The following SLC24A2 variants were observed in gnomAD, a reference collection of about 807,000 sequenced individuals.
SLC24A2 encodes sodium/potassium/calcium exchanger 2.
In SLC24A2, 36 loss-of-function variants were observed where a neutral mutation model predicts 62.0. The observed-to-expected ratio is 0.58, with a 90% CI of 0.44 to 0.77. The LOEUF (loss-of-function observed/expected upper bound fraction) is 0.77. Among genes scored for constraint, SLC24A2 ranks in the 30% least tolerant of loss-of-function variants. SLC24A2 has a pLI of 0.00. For missense variants in SLC24A2, 846 were observed against 817.9 expected (o/e 1.03, Z -0.42); for synonymous variants, 358 against 294.0 (o/e 1.22, Z -2.23).
chr9:19,898,506 G>A, the SLC24A2 span, among the ~76,000 whole-genome samples: 1 of 152,158 alleles, frequency 6.6e-6, no homozygotes, highest in Non-Finnish European at 1.5e-5. Context: ...ACTTTGGGAG[G>A]CCAAGGCGGG....
intron 8 of SLC24A2, among the ~76,000 whole-genome samples, chr9:19,539,247 C>A (rs1417915365): frequency 3.2e-5 from 2 of 63,372 alleles, no homozygotes; most frequent in Non-Finnish European, 5.9e-5. Context: ...CTTCTGCTAG[C>A]TTTTGAATGT....
At chr9:20,112,274 G>T in the SLC24A2 span, among the ~76,000 whole-genome samples, 2 of 152,112 alleles carry the variant, frequency 1.3e-5, no homozygotes, top group African/African-American at 4.8e-5. Context: ...GATAATTTTC[G>T]ACACTTGTCT....
At chr9:19,865,547 A>G in the SLC24A2 span, among the ~76,000 whole-genome samples, 1 of 152,198 alleles carries the variant, frequency 6.6e-6, no homozygotes, top group East Asian at 1.9e-4. Context: ...ACAAATCTAC[A>G]TACCTACAGT....
rs538243994 is a variant in SLC24A2, at chr9:19,740,171, G to C, written c.930+45766C>G. ...AACCACTTTGAAAAATTCTTAGGCA[G>C]TATTTAATAAAGTTGAATATATACG... On this transcript the variant is annotated intron_variant, in intron 2 of 10. Transcript: ENST00000341998. Among the ~76,000 whole-genome samples, 4 of 143,188 alleles carry C rather than the reference G, an allele frequency of 2.8e-5. No individual in the cohort carries two copies. In the East Asian group the frequency reaches 8.3e-4, roughly 30 times the overall value. The allele number at this position is 143,188 out of a possible 152,430, so 93.9% of individuals were successfully genotyped here. A position where few individuals can be genotyped will look rare whatever the true frequency, so the allele number is the denominator to read the frequency against.
the SLC24A2 span, among the ~76,000 whole-genome samples, chr9:20,257,540 G>A: frequency 3.9e-5 from 6 of 152,278 alleles, no homozygotes; most frequent in Non-Finnish European, 7.3e-5. Context: ...AACTAGTGGC[G>A]TGTCATTGGG....
At chr9:20,130,020 C>T in the SLC24A2 span, among the ~76,000 whole-genome samples, 2 of 151,414 alleles carry the variant, frequency 1.3e-5, no homozygotes, top group African/African-American at 4.9e-5. Context: ...TTCTTCTGAT[C>T]TGAAGCTGCT....
At chr9:19,525,391 C>CTTTTTTTTTTTTTT (rs572919824) in intron 9 of SLC24A2, among the ~76,000 whole-genome samples, 1 of 76,374 alleles carries the variant, frequency 1.3e-5, no homozygotes, top group African/African-American at 5.7e-5. Context: ...TATTTCTTTA[C>CTTTTTTTTTTTTTT]TTTTTTTTTT....
the SLC24A2 span, among the ~76,000 whole-genome samples, chr9:20,295,970 T>C: frequency 3.9e-5 from 6 of 152,224 alleles, no homozygotes; most frequent in East Asian, 1.2e-3. Context: ...AAATTTTGTA[T>C]TGGGGAAATC....
intron 2 of SLC24A2, among the ~76,000 whole-genome samples, chr9:19,652,939 GTTTCAACCT>G (rs1818842640): frequency 6.3e-5 from 1 of 15,900 alleles, no homozygotes; most frequent in Admixed American, 7.6e-4. Flanking sequence ...CTTCCATCCT[GTTTCAACCT>G]TCTCTTCCAT....
chr9:19,929,211 C>G, the SLC24A2 span: 1 of 152,178 alleles, frequency 6.6e-6, no homozygotes, highest in Non-Finnish European at 1.5e-5. Flanking sequence ...TTCCTCAGCC[C>G]AAGACTGAAG....
chr9:19,964,152 A>G, the SLC24A2 span, among the ~76,000 whole-genome samples: 1 of 144,530 alleles, frequency 6.9e-6, no homozygotes, highest in African/African-American at 2.6e-5. Context: ...TCTCATTCAT[A>G]GATGAGAATT....
the SLC24A2 span, among the ~76,000 whole-genome samples, chr9:20,094,480 C>A: frequency 6.6e-6 from 1 of 152,144 alleles, no homozygotes; most frequent in Non-Finnish European, 1.5e-5. Context: ...AAACTATTAA[C>A]CACCATGGTG....
chr9:19,893,594 T>G, the SLC24A2 span, among the ~76,000 whole-genome samples: 50 of 152,220 alleles, frequency 3.3e-4, no homozygotes, highest in Admixed American at 1.6e-3. Context: ...ATTCTTATAA[T>G]TCAGTCCTTT....
intron 8 of SLC24A2, among the ~76,000 whole-genome samples, chr9:19,545,605 C>T (rs997833207): frequency 6.6e-6 from 1 of 151,636 alleles, no homozygotes. Context: ...CGGATGGGGT[C>T]TCTGAGTAGA....
At chr9:19,791,576 C>T (rs1823320957), upstream of SLC24A2, among the ~76,000 whole-genome samples, 1 of 152,214 alleles carries the variant, frequency 6.6e-6, no homozygotes. Flanking sequence ...ATTGCCACAA[C>T]AGTTGAGAAG....
chr9:20,226,150 G>T, the SLC24A2 span, among the ~76,000 whole-genome samples: 3 of 151,908 alleles, frequency 2.0e-5, no homozygotes, highest in Non-Finnish European at 4.4e-5. Context: ...TTTTCTATTT[G>T]TTTTATGAAT....
intron 2 of SLC24A2, among the ~76,000 whole-genome samples, chr9:19,664,433 T>C (rs2118264318): frequency 6.6e-6 from 1 of 152,338 alleles, no homozygotes; most frequent in South Asian, 2.1e-4. Flanking sequence ...ACATGAAGTC[T>C]GATGTTCACA....
At chr9:19,554,274 C>T (rs979495603) in intron 7 of SLC24A2, among the ~76,000 whole-genome samples, 4 of 152,192 alleles carry the variant, frequency 2.6e-5, no homozygotes, top group African/African-American at 7.2e-5. Flanking sequence ...GCGTCCAGAA[C>T]TGTGGTAAAG....
the SLC24A2 span, among the ~76,000 whole-genome samples, chr9:19,836,580 T>C: frequency 6.6e-6 from 1 of 152,176 alleles, no homozygotes; most frequent in African/African-American, 2.4e-5. Context: ...ATTGAGGCAA[T>C]AATGAATAGC....
Sources: allele counts gnomAD v4.1 joint callset (sites outside exome capture counted in the v4.1 genomes callset), GRCh38; gene constraint gnomAD v4.1.1; transcripts MANE v1.5; gene names NCBI Gene and HGNC (gene_info 2026-07-23, HGNC 2026-07-21).